PPP2R2C: variants seen among roughly 807,000 people sequenced by gnomAD.
PPP2R2C encodes the protein protein phosphatase 2 regulatory subunit Bgamma.
A neutral mutation model predicts 45.3 loss-of-function variants in PPP2R2C; 10 were observed. That is an observed-to-expected ratio of 0.22 (90% CI 0.14 to 0.37). PPP2R2C has a LOEUF of 0.37. PPP2R2C is among the 10% of genes least tolerant of loss of function. The pLI is 1.00. For missense variants in PPP2R2C, 308 were observed against 619.7 expected (o/e 0.50, Z 5.34); for synonymous variants, 257 against 245.4 (o/e 1.05, Z -0.44).
intron 2 of PPP2R2C, among the ~76,000 whole-genome samples, chr4:6,493,242 C>T (rs7675952): frequency 0.3 from 45,420 of 151,736 alleles, 7,169 homozygotes; most frequent in Middle Eastern, 0.38. Flanking sequence ...CGCACGCGCG[C>T]GCACATACAC....
chr4:6,425,757 A>G (rs1719250271), intron 1 of PPP2R2C, among the ~76,000 whole-genome samples: 1 of 151,984 alleles, frequency 6.6e-6, no homozygotes, highest in Non-Finnish European at 1.5e-5. Context: ...AGACAAGGAG[A>G]GTCTGTTCAG....
intron 5 of PPP2R2C, among the ~76,000 whole-genome samples, chr4:6,355,518 T>TA (rs569352630): frequency 0.054 from 2,043 of 37,504 alleles, 50 homozygotes; most frequent in African/African-American, 0.17. Context: ...TAAAGTATAA[T>TA]AAAAAAAAGA....
chr4:6,404,768 C>T (rs59595008), intron 1 of PPP2R2C, among the ~76,000 whole-genome samples: 1,921 of 152,264 alleles, frequency 0.013, 40 homozygotes, highest in African/African-American at 0.043. Context: ...CACGGAAAAG[C>T]GAGGTGGATT....
intron 2 of PPP2R2C, among the ~76,000 whole-genome samples, chr4:6,478,632 T>C (rs1179384637): frequency 6.6e-6 from 1 of 152,254 alleles, no homozygotes; most frequent in Non-Finnish European, 1.5e-5. Flanking sequence ...ACCTGCCTGC[T>C]ACCTCCCCCT....
chr4:6,501,459 T>A (rs764520776), intron 2 of PPP2R2C, among the ~76,000 whole-genome samples: 2 of 152,182 alleles, frequency 1.3e-5, no homozygotes, highest in Non-Finnish European at 2.9e-5. Context: ...GTTCTCAAGA[T>A]TGACTGGGAT....
At position 6,495,798 on chromosome 4, in the gene PPP2R2C, G is replaced by C. The variant is rs75545968; in HGVS notation, c.49+39473C>G. ...TCTCCTGCTGGATAACTTTTGCGTG[G>C]TGTATGAGTTCCCAGGCTGCCATTA... On this transcript the variant is annotated intron_variant, in intron 2 of 9. Coordinates refer to the PPP2R2C transcript ENST00000506140. 9.7e-3 allele frequency among the ~76,000 whole-genome samples: 1,473 copies of C among 152,294 alleles called. 28 individuals are homozygous for C. Among genetic ancestry groups the C allele is most frequent in the African/African-American group, 0.034 (1,418 of 41,548 alleles).
intron 2 of PPP2R2C, among the ~76,000 whole-genome samples, chr4:6,502,639 G>T (rs1723096968): frequency 6.6e-6 from 1 of 151,936 alleles, no homozygotes; most frequent in Non-Finnish European, 1.5e-5. Flanking sequence ...TCTTCTAGGG[G>T]GCTAGAAAGA....
chr4:6,502,437 C>T lies in PPP2R2C; in HGVS notation c.49+32834G>A, dbSNP rs187976474. Among the ~76,000 whole-genome samples, 506 of 152,216 alleles carry T rather than the reference C, an allele frequency of 3.3e-3. 1 individual carries two copies. Among genetic ancestry groups the T allele is most frequent in the African/African-American group, 0.012 (483 of 41,534 alleles). On this transcript the variant is annotated intron_variant, in intron 2 of 9. Transcript: ENST00000506140. ...TGGTGACTGTGGTGTGGCCTCAGCC[C>T]CGGGTGAGTCCCTCCCCTGCCCTCC... is the stretch of plus-strand genomic sequence containing the variant.
chr4:6,431,433 G>C (rs1719615073), intron 1 of PPP2R2C, among the ~76,000 whole-genome samples: 1 of 152,220 alleles, frequency 6.6e-6, no homozygotes, highest in South Asian at 2.1e-4. Flanking sequence ...CTTGGAGAAA[G>C]CTGCTCAGGC....
Position 6,378,409 on chromosome 4 carries a change from T to C in PPP2R2C, c.332A>G (p.Asn111Ser). 6.2e-7 allele frequency: 1 copy of C among 1,614,138 alleles called. No homozygotes were observed. Among genetic ancestry groups the C allele is most frequent in the Non-Finnish European group, 8.5e-7 (1 of 1,180,038 alleles). ...QNAAHSLLST[N>S]DKTIKLWKIT... is the part of the protein sequence containing the mutation. ...AGCGAGGCCGGGCAGCGCCTCACCG[T>C]TGGTGGACAGGAGTGAGTGGGCGGC... Residue 111 changes from asparagine (N) to serine (S), a missense_variant and splice_region_variant, in exon 3 of 9, where the codon AAC becomes AGC. Physicochemically the swap from Asn to Ser is conservative, Grantham distance 46. Transcript: ENST00000382599. This position sits in a 1 kb window ranked among gnomAD's most constrained non-coding sequence, Gnocchi z 5.2.
At chr4:6,408,369 CATG>C (rs1467277442) in intron 1 of PPP2R2C, among the ~76,000 whole-genome samples, 1 of 152,178 alleles carries the variant, frequency 6.6e-6, no homozygotes, top group Non-Finnish European at 1.5e-5. Context: ...TTCTTCACTG[CATG>C]ATCACATCCC....
intron 6 of PPP2R2C, among the ~76,000 whole-genome samples, chr4:6,344,123 A>T (rs533226506): frequency 6.6e-6 from 1 of 152,274 alleles, no homozygotes; most frequent in South Asian, 2.1e-4. Context: ...AGGCACAATC[A>T]AAAGTCCTCA....
At chr4:6,534,966 C>T (rs1724553901) in intron 2 of PPP2R2C, among the ~76,000 whole-genome samples, 1 of 152,252 alleles carries the variant, frequency 6.6e-6, no homozygotes, top group African/African-American at 2.4e-5. Flanking sequence ...CTCCTGGCTC[C>T]TGCCCCAGCT....
chr4:6,356,351 T>C (rs1713188495), intron 5 of PPP2R2C, among the ~76,000 whole-genome samples: 1 of 152,194 alleles, frequency 6.6e-6, no homozygotes, highest in African/African-American at 2.4e-5. Flanking sequence ...GTGCCCCTTC[T>C]ACATTGGAAA....
chr4:6,522,438 A>T (rs576512089), intron 2 of PPP2R2C, among the ~76,000 whole-genome samples: 62 of 152,364 alleles, frequency 4.1e-4, no homozygotes, highest in African/African-American at 1.3e-3. Context: ...ACACAAGTGA[A>T]TCCAGACCTG....
At chr4:6,521,914 A>G (rs1024429507) in intron 2 of PPP2R2C, among the ~76,000 whole-genome samples, 1 of 152,018 alleles carries the variant, frequency 6.6e-6, no homozygotes, top group Non-Finnish European at 1.5e-5. Context: ...CACCCACTAA[A>G]CCTGCCTCCA....
At chr4:6,386,281 A>T (rs1716202898) in intron 1 of PPP2R2C, among the ~76,000 whole-genome samples, 1 of 152,214 alleles carries the variant, frequency 6.6e-6, no homozygotes, top group African/African-American at 2.4e-5. Context: ...GGGCTGCCAG[A>T]ACTCAGACGG....
intron 5 of PPP2R2C, chr4:6,349,491 T>C (rs1187979806): frequency 1.2e-5 from 12 of 985,268 alleles, no homozygotes; most frequent in African/African-American, 1.7e-5. Flanking sequence ...TTATTTTCTA[T>C]CTGGAAAATA....
chr4:6,380,739 C>G (rs1000434435), intron 2 of PPP2R2C, among the ~76,000 whole-genome samples: 1 of 152,092 alleles, frequency 6.6e-6, no homozygotes, highest in Admixed American at 6.5e-5. Context: ...TACCACCGCC[C>G]GCCACTCCCA....
Sources: allele counts gnomAD v4.1 joint callset (sites outside exome capture counted in the v4.1 genomes callset), GRCh38; gene constraint gnomAD v4.1.1; non-coding constraint Gnocchi (gnomAD v3.1); transcripts MANE v1.5; gene names NCBI Gene and HGNC (gene_info 2026-07-23, HGNC 2026-07-21).